CSMD1: variants seen among roughly 807,000 people sequenced by gnomAD.
CSMD1 encodes the protein CUB and Sushi multiple domains 1, also known as CUB and sushi domain-containing protein 1.
In CSMD1, 213 loss-of-function variants were observed where a neutral mutation model predicts 417.5. The ratio of observed to expected loss-of-function variants is 0.51; its 90% confidence interval spans 0.46 to 0.57. The LOEUF (loss-of-function observed/expected upper bound fraction) is 0.57. CSMD1 is among the 20% of genes least tolerant of loss of function. The probability of loss-of-function intolerance (pLI) is 0.00; values close to 1 mark genes in which losing one functional copy is unlikely to be tolerated. For missense variants in CSMD1, 6,923 were observed against 4,529.7 expected (o/e 1.53, Z -15.17); for synonymous variants, 2,862 against 1,736.8 (o/e 1.65, Z -16.11).
At chr8:3,560,975 A>C (rs1387000719) in intron 10 of CSMD1, among the ~76,000 whole-genome samples, 1 of 152,194 alleles carries the variant, frequency 6.6e-6, no homozygotes, top group Non-Finnish European at 1.5e-5. Flanking sequence ...TGGGCAGTGA[A>C]AATTACAGTG....
At chr8:4,015,800 G>C (rs1045685401) in intron 4 of CSMD1, among the ~76,000 whole-genome samples, 1 of 152,034 alleles carries the variant, frequency 6.6e-6, no homozygotes, top group Non-Finnish European at 1.5e-5. Context: ...CAAAAACAAG[G>C]GTGAAACTTC....
intron 7 of CSMD1, among the ~76,000 whole-genome samples, chr8:3,646,385 C>T (rs144776573): frequency 2.0e-5 from 3 of 152,030 alleles, no homozygotes; most frequent in South Asian, 2.1e-4. Context: ...GCATGCATTG[C>T]TTTGTAATAA....
intron 3 of CSMD1, among the ~76,000 whole-genome samples, chr8:4,316,515 T>C (rs1172889904): frequency 6.6e-6 from 1 of 152,162 alleles, no homozygotes; most frequent in Non-Finnish European, 1.5e-5. Context: ...AATAGAACTA[T>C]TATTCCATAA....
chr8:4,430,814 G>T (rs372687683), intron 2 of CSMD1, among the ~76,000 whole-genome samples: 3 of 152,064 alleles, frequency 2.0e-5, no homozygotes, highest in African/African-American at 7.2e-5. Context: ...CGTTTTTCCT[G>T]TCAATTGTCA....
intron 25 of CSMD1, among the ~76,000 whole-genome samples, chr8:3,295,072 A>T (rs1228926710): frequency 6.6e-6 from 1 of 152,114 alleles, no homozygotes; most frequent in South Asian, 2.1e-4. Context: ...CATATTAAAT[A>T]TTACTTGACA....
intron 12 of CSMD1, among the ~76,000 whole-genome samples, chr8:3,421,712 G>A (rs1019492367): frequency 5.3e-5 from 8 of 152,056 alleles, no homozygotes; most frequent in Middle Eastern, 3.2e-3. Context: ...ATCTTGGCTC[G>A]CTACAACCTC....
At chr8:3,482,740 T>C (rs1040016955) in intron 11 of CSMD1, among the ~76,000 whole-genome samples, 1 of 152,126 alleles carries the variant, frequency 6.6e-6, no homozygotes, top group Non-Finnish European at 1.5e-5. Context: ...AGATAATAGA[T>C]CTTGACATAT....
intron 2 of CSMD1, among the ~76,000 whole-genome samples, chr8:4,500,755 G>C (rs1470589520): frequency 1.3e-5 from 2 of 152,122 alleles, no homozygotes; most frequent in East Asian, 3.9e-4. Flanking sequence ...TTCTGAATGT[G>C]TGTTATGTTT....
intron 1 of CSMD1, among the ~76,000 whole-genome samples, chr8:4,938,578 C>A (rs1807775053): frequency 6.6e-6 from 1 of 152,158 alleles, no homozygotes; most frequent in African/African-American, 2.4e-5. Context: ...AGTTGTCAGT[C>A]TTATCGGGAA....
intron 7 of CSMD1, among the ~76,000 whole-genome samples, chr8:3,674,927 C>T (rs544053869): frequency 6.6e-6 from 1 of 152,294 alleles, no homozygotes; most frequent in East Asian, 1.9e-4. Flanking sequence ...TTATGCAACA[C>T]GTCACCCCCT....
At chr8:4,284,407 T>C (rs1334288990) in intron 3 of CSMD1, among the ~76,000 whole-genome samples, 2 of 132,954 alleles carry the variant, frequency 1.5e-5, no homozygotes, top group African/African-American at 5.6e-5. Flanking sequence ...AGGTTGTTCT[T>C]CAGGAGAGAC....
chr8:3,945,379 G>A (rs1380323126), intron 5 of CSMD1, among the ~76,000 whole-genome samples: 1 of 151,998 alleles, frequency 6.6e-6, no homozygotes, highest in Non-Finnish European at 1.5e-5. Flanking sequence ...TAACAAACCT[G>A]CACAATATAA....
chr8:4,130,716 G>A (rs1803049054), intron 3 of CSMD1, among the ~76,000 whole-genome samples: 1 of 122,420 alleles, frequency 8.2e-6, no homozygotes, highest in Admixed American at 8.2e-5. Context: ...GATAACACAT[G>A]AAAGTATTTT....
chr8:4,456,985 T>TTTTAAAA lies in CSMD1; in HGVS notation c.303-36921_303-36920insTTTTAAA, dbSNP rs71207092. ...GATTTTGATGAGTGTGGTTTTTTTT[T>TTTTAAAA]AAAAAAAAAAAAAACAACAAGAAAA... On this transcript the variant is annotated intron_variant, in intron 2 of 69. Transcript: ENST00000635120. Among the ~76,000 whole-genome samples, 12 of 138,806 alleles carry TTTTAAAA rather than the reference T, an allele frequency of 8.6e-5. No individual in the cohort carries two copies. The East Asian group carries it at 1.3e-3, about 15-fold the overall frequency. 91.1% of individuals were successfully genotyped at this position (138,806 alleles called of 152,430 possible).
chr8:3,116,820 G>A (rs1310142170), intron 42 of CSMD1, among the ~76,000 whole-genome samples: 2 of 151,836 alleles, frequency 1.3e-5, no homozygotes, highest in South Asian at 2.1e-4. Flanking sequence ...CACCAAACTT[G>A]CAAATAAGAA....
chr8:4,596,238 A>G (rs1297411176), intron 2 of CSMD1, among the ~76,000 whole-genome samples: 1 of 152,200 alleles, frequency 6.6e-6, no homozygotes, highest in African/African-American at 2.4e-5. Context: ...AAAAAATCAT[A>G]GGACAGTATA....
chr8:3,680,988 GC>G (rs1265108844), intron 7 of CSMD1, among the ~76,000 whole-genome samples: 1 of 152,030 alleles, frequency 6.6e-6, no homozygotes, highest in Non-Finnish European at 1.5e-5. Context: ...AAATTCAACA[GC>G]CCTTCATGCT....
intron 3 of CSMD1, among the ~76,000 whole-genome samples, chr8:4,274,854 A>T (rs1796384735): frequency 6.6e-6 from 1 of 152,012 alleles, no homozygotes; most frequent in Non-Finnish European, 1.5e-5. Context: ...TACTGCTTTT[A>T]TTTTTTCCCA....
intron 3 of CSMD1, among the ~76,000 whole-genome samples, chr8:4,400,552 G>T (rs1182943508): frequency 2.0e-5 from 3 of 152,224 alleles, no homozygotes; most frequent in Non-Finnish European, 2.9e-5. Flanking sequence ...GCAAGGCACA[G>T]GGCCAGCCAC....
Sources: gnomAD v4.1 joint callset for allele counts (sites outside exome capture counted in the v4.1 genomes callset) on GRCh38, gnomAD v4.1.1 for gene constraint, MANE v1.5 for transcripts, NCBI Gene and HGNC (gene_info 2026-07-23, HGNC 2026-07-21) for gene names.